PDS5B: variants seen among roughly 807,000 people sequenced by gnomAD.
PDS5B encodes the protein sister chromatid cohesion protein PDS5 homolog B.
In PDS5B, 51 loss-of-function variants were observed where a neutral mutation model predicts 184.1. The ratio of observed to expected loss-of-function variants is 0.28; its 90% CI spans 0.22 to 0.35. The LOEUF (loss-of-function observed/expected upper bound fraction) is 0.35. Ranked by LOEUF, PDS5B falls within the 10% of genes least tolerant of loss-of-function variation. The pLI is 1.00. For missense variants in PDS5B, 1,180 were observed against 1,723.3 expected, an observed-to-expected ratio of 0.68 and a Z score of 5.58; for synonymous variants, 566 against 569.2, an observed-to-expected ratio of 0.99 and a Z score of 0.08.
chr13:32,732,975 T>C (rs1018168811), intron 20 of PDS5B, among the ~76,000 whole-genome samples: 1 of 152,174 alleles, frequency 6.6e-6, no homozygotes, highest in African/African-American at 2.4e-5. Flanking sequence ...TCATGTATTA[T>C]GTTAAAGACC....
At chr13:32,616,041 TTCC>T (rs2058213101) in intron 1 of PDS5B, among the ~76,000 whole-genome samples, 1 of 151,968 alleles carries the variant, frequency 6.6e-6, no homozygotes, top group Non-Finnish European at 1.5e-5. Context: ...AGTGATATTT[TTCC>T]TCCTCTCTCT....
At chr13:32,678,729 A>C (rs896325692) in intron 9 of PDS5B, 106 bp from the exon 10 acceptor site, 2 of 684,302 alleles carry the variant, frequency 2.9e-6, no homozygotes. Context: ...ATTTTCCTTC[A>C]TAAACTGTTT....
intron 1 of PDS5B, among the ~76,000 whole-genome samples, chr13:32,610,980 T>C (rs545139253): frequency 6.6e-6 from 1 of 152,056 alleles, no homozygotes; most frequent in South Asian, 2.1e-4. Flanking sequence ...ATCACTTTCC[T>C]TTTTAGAGCC....
rs1555323067 is a variant in PDS5B at position 32,777,365 on chromosome 13, T to TTTG, written c.*2314_*2315insTGT. 2.0e-5 allele frequency: 3 copies of TTTG among 150,478 alleles called. No homozygotes were observed. Among genetic ancestry groups the TTTG allele is most frequent in the Admixed American group, 6.6e-5 (1 of 15,104 alleles). The allele number at this position is 150,478 out of a possible 1,614,324, so 9.3% of individuals were successfully genotyped here. On this transcript the variant is annotated 3_prime_UTR_variant, in exon 35 of 35. Transcript: ENST00000315596. ...TTTCTTTCTTTCTTTTTTTTTTTTTTTGTGTAGAAAAATAGGTGCAATAAT... is the reference window on the plus strand; with the variant it reads ...TTTCTTTCTTTCTTTTTTTTTTTTTTTTGTGTGTAGAAAAATAGGTGCAATAAT...
At chr13:32,616,353 C>G (rs938097743) in intron 1 of PDS5B, among the ~76,000 whole-genome samples, 2 of 152,176 alleles carry the variant, frequency 1.3e-5, no homozygotes, top group Non-Finnish European at 2.9e-5. Context: ...CTGCGCCTGG[C>G]CCCTCCCGTC....
intron 23 of PDS5B, 63 bp from the exon 24 acceptor site, chr13:32,745,914 G>A (rs1057273480): frequency 1.3e-5 from 17 of 1,313,004 alleles, no homozygotes; most frequent in Non-Finnish European, 1.6e-5. Context: ...AAAATTAGAT[G>A]TACAGAAGAT....
intron 1 of PDS5B, among the ~76,000 whole-genome samples, chr13:32,616,910 A>T (rs1476459810): frequency 1.3e-5 from 2 of 152,114 alleles, no homozygotes; most frequent in Non-Finnish European, 2.9e-5. Flanking sequence ...TCTTTTCCTG[A>T]TTTTCTCTAA....
At chr13:32,769,241 T>C (rs1018594689) in intron 31 of PDS5B, among the ~76,000 whole-genome samples, 11 of 152,114 alleles carry the variant, frequency 7.2e-5, no homozygotes, top group Non-Finnish European at 1.5e-4. Flanking sequence ...GTAGTCAAAG[T>C]TGACAAAGGA....
intron 1 of PDS5B, among the ~76,000 whole-genome samples, chr13:32,635,712 T>C (rs2058540937): frequency 6.7e-6 from 1 of 150,060 alleles, no homozygotes; most frequent in Non-Finnish European, 1.5e-5. Flanking sequence ...GAGTTTCTGG[T>C]TGGGCTAACG....
chr13:32,753,850 G>T (rs1316567140), intron 25 of PDS5B, among the ~76,000 whole-genome samples: 3 of 151,976 alleles, frequency 2.0e-5, no homozygotes, highest in African/African-American at 7.3e-5. Context: ...ATTTTAATTG[G>T]AAAAAAGTAC....
At chr13:32,691,266 A>G (rs901712358) in intron 13 of PDS5B, 2 of 152,018 alleles carry the variant, frequency 1.3e-5, no homozygotes, top group Non-Finnish European at 2.9e-5. Flanking sequence ...AATTGTGTAT[A>G]CAGTGTTGTG....
At chr13:32,708,698 A>G (rs1288065868) in intron 18 of PDS5B, among the ~76,000 whole-genome samples, 1 of 152,220 alleles carries the variant, frequency 6.6e-6, no homozygotes, top group African/African-American at 2.4e-5. Flanking sequence ...ATTTAATACT[A>G]GTGAGGTCCA....
At chr13:32,601,715 T>C (rs990866536) in intron 1 of PDS5B, among the ~76,000 whole-genome samples, 1 of 152,228 alleles carries the variant, frequency 6.6e-6, no homozygotes, top group African/African-American at 2.4e-5. Context: ...CTTTAAATGG[T>C]TAGGTAGGAC....
At chr13:32,614,372 A>G (rs912169486) in intron 1 of PDS5B, among the ~76,000 whole-genome samples, 1 of 149,468 alleles carries the variant, frequency 6.7e-6, no homozygotes, top group South Asian at 2.1e-4. Context: ...ATCTCAGCTC[A>G]CTGCAACCTC....
intron 1 of PDS5B, among the ~76,000 whole-genome samples, chr13:32,598,685 C>G (rs2057919024): frequency 6.6e-6 from 1 of 151,048 alleles, no homozygotes. Context: ...GTTTTCATTA[C>G]TTTAAATATA....
At chr13:32,731,441 A>C (rs981665552) in intron 19 of PDS5B, among the ~76,000 whole-genome samples, 1 of 151,994 alleles carries the variant, frequency 6.6e-6, no homozygotes, top group African/African-American at 2.4e-5. Flanking sequence ...TATCAGGGAG[A>C]TCTTCTGTTT....
rs188953236 is a variant in PDS5B at position 32,728,729 on chromosome 13, G to T, written c.2124-3372G>T. On this transcript the variant is annotated intron_variant, in intron 19 of 34. Coordinates refer to ENST00000315596, the MANE Select transcript of PDS5B (RefSeq NM_015032.4). Reference sequence around the variant, plus strand: ...TCTAGTTTGTTTCTCATTTATCAGGGATCACATTTCTCTGCTACCTGTTCC... The same window carrying T: ...TCTAGTTTGTTTCTCATTTATCAGGTATCACATTTCTCTGCTACCTGTTCC... Among the ~76,000 whole-genome samples the T allele has an allele frequency of 7.4e-3, 1,122 of 152,166 alleles. 6 individuals are homozygous for T. The highest frequency in any genetic ancestry group is 0.013 in the Non-Finnish European group (901 of 67,978).
At position 32,667,853 on chromosome 13, in the gene PDS5B, T is replaced by G. The variant is rs1022622216; in HGVS notation, c.705+9T>G. The G allele has an allele frequency of 1.3e-6, 2 of 1,486,186 alleles. No individual in the cohort carries two copies. Among genetic ancestry groups the G allele is most frequent in the African/African-American group, 2.8e-5 (2 of 70,398 alleles). 92.1% of individuals were successfully genotyped at this position (1,486,186 alleles called of 1,614,324 possible). A position where few individuals can be genotyped will look rare whatever the true frequency, so the allele number is the denominator to read the frequency against. On this transcript the variant is annotated intron_variant, in intron 7 of 34. Transcript: ENST00000315596. The stretch of plus-strand genomic sequence containing the variant: ...AGCCATATATTACCAATGTAAGTCT[T>G]ACTTGTAATTGGTTGTCAGAAGGAT...
At chr13:32,770,590 GT>G in intron 32 of PDS5B, 30 bp downstream of exon 32, 1 of 1,600,894 alleles carries the variant, frequency 6.2e-7, no homozygotes, top group Non-Finnish European at 8.5e-7. Flanking sequence ...AACTGCATCT[GT>G]TTCGTTACTA....
Sources: allele counts gnomAD v4.1 joint callset (sites outside exome capture counted in the v4.1 genomes callset), GRCh38; gene constraint gnomAD v4.1.1; transcripts MANE v1.5; gene names NCBI Gene and HGNC (gene_info 2026-07-23, HGNC 2026-07-21).